Variants in SLC26A5 observed in about 807,000 individuals in gnomAD.
SLC26A5 encodes the protein solute carrier family 26 member 5.
Under a neutral mutation model 81.0 loss-of-function variants are expected in SLC26A5, and 51 were observed. The observed-to-expected ratio is 0.63, with a 90% CI of 0.50 to 0.80. The LOEUF is 0.80. SLC26A5 is among the 30% of genes least tolerant of loss of function. The probability of loss-of-function intolerance (pLI) is 0.00; values close to 1 mark genes in which losing one functional copy is unlikely to be tolerated. For missense variants in SLC26A5, 771 were observed against 905.8 expected (o/e 0.85, Z 1.91); for synonymous variants, 325 against 332.8 (o/e 0.98, Z 0.25).
At chr7:103,420,711 G>C (rs752082714) in intron 4 of SLC26A5, 27 bp downstream of exon 4, 11 of 1,613,488 alleles carry the variant, frequency 6.8e-6, no homozygotes, top group Non-Finnish European at 8.5e-6. Flanking sequence ...GGACAGCAAG[G>C]GGGGAAAGAA....
At chr7:103,432,749 T>G (rs566354496) in intron 2 of SLC26A5, among the ~76,000 whole-genome samples, 27 of 152,138 alleles carry the variant, frequency 1.8e-4, no homozygotes, top group Non-Finnish European at 3.7e-4. Flanking sequence ...TTTAAAATTC[T>G]GAGTCATATT....
At chr7:103,441,261 T>G (rs1252789425) in intron 2 of SLC26A5, among the ~76,000 whole-genome samples, 1 of 152,018 alleles carries the variant, frequency 6.6e-6, no homozygotes, top group Non-Finnish European at 1.5e-5. Context: ...ATATACACTG[T>G]TTTTTGTCTT....
At chr7:103,399,358 T>C (rs1278229277) in intron 8 of SLC26A5, among the ~76,000 whole-genome samples, 1 of 152,216 alleles carries the variant, frequency 6.6e-6, no homozygotes. Flanking sequence ...GGGAACTCTG[T>C]GCCTAGCCCC....
In SLC26A5 at chr7:103,367,926, G is replaced by T; in HGVS notation, c.2041+8882C>A. The T allele has an allele frequency of 6.2e-7, 1 of 1,613,962 alleles. No individual in the cohort carries two copies. The highest frequency in any genetic ancestry group is 1.1e-5 in the South Asian group (1 of 91,060). The stretch of plus-strand genomic sequence containing the variant: ...TGAGATTAGAAGCGTCTGCACAGAG[G>T]CTGGTATGTTTGCCATCAGAGCACG... On this transcript the variant is annotated intron_variant, in intron 19 of 19. Transcript: ENST00000339444. The surrounding 1 kb of genome is among the most constrained non-coding windows in gnomAD (Gnocchi z 6.1).
At chr7:103,405,208 T>C (rs1280552282) in intron 8 of SLC26A5, among the ~76,000 whole-genome samples, 1 of 152,188 alleles carries the variant, frequency 6.6e-6, no homozygotes, top group Non-Finnish European at 1.5e-5. Context: ...TCATTCTCCA[T>C]CCACTTTTGT....
intron 2 of SLC26A5, among the ~76,000 whole-genome samples, chr7:103,434,486 T>C (rs756964627): frequency 3.3e-5 from 5 of 152,194 alleles, no homozygotes; most frequent in African/African-American, 1.2e-4. Flanking sequence ...ACAGGAACTT[T>C]TTTTCCTAGC....
At chr7:103,395,515 ATATAT>A (rs1563537889) in intron 9 of SLC26A5, among the ~76,000 whole-genome samples, 1 of 72,630 alleles carries the variant, frequency 1.4e-5, no homozygotes, top group Non-Finnish European at 2.8e-5. Flanking sequence ...ATATATATAT[ATATAT>A]AAATTTTTTT....
intron 9 of SLC26A5, 79 bp from the exon 10 acceptor site, chr7:103,393,145 T>C: frequency 1.3e-6 from 2 of 1,540,304 alleles, no homozygotes; most frequent in Non-Finnish European, 1.8e-6. Flanking sequence ...CAGGGAAGCA[T>C]TTTAGGGGGG....
At chr7:103,374,824 A>C (rs952378438) in intron 19 of SLC26A5, among the ~76,000 whole-genome samples, 5 of 151,284 alleles carry the variant, frequency 3.3e-5, no homozygotes, top group African/African-American at 1.2e-4. Context: ...AAATATTAAA[A>C]TGCTATAGTA....
chr7:103,419,284 C>T (rs2116708695), intron 4 of SLC26A5, among the ~76,000 whole-genome samples: 1 of 152,234 alleles, frequency 6.6e-6, no homozygotes, highest in Non-Finnish European at 1.5e-5. Flanking sequence ...ATGCTGATAG[C>T]TTTTCACTGT....
chr7:103,364,981 A>ATATATATATATATATATATATT (rs950613120), intron 19 of SLC26A5, among the ~76,000 whole-genome samples: 16 of 140,798 alleles, frequency 1.1e-4, no homozygotes, highest in Non-Finnish European at 2.0e-4. Context: ...ATATATATAT[A>ATATATATATATATATATATATT]TATTTAGAGA....
At chr7:103,424,541 T>A (rs537810330) in intron 2 of SLC26A5, among the ~76,000 whole-genome samples, 2 of 152,322 alleles carry the variant, frequency 1.3e-5, no homozygotes, top group East Asian at 3.9e-4. Flanking sequence ...TTTATTATTT[T>A]TTGTAGACAT....
intron 8 of SLC26A5, among the ~76,000 whole-genome samples, chr7:103,401,516 T>A (rs1476448034): frequency 6.6e-6 from 1 of 152,174 alleles, no homozygotes; most frequent in African/African-American, 2.4e-5. Flanking sequence ...AAACAGACAA[T>A]TTGACTTCCT....
downstream of SLC26A5, among the ~76,000 whole-genome samples, chr7:103,373,416 C>A (rs1178779213): frequency 1.3e-5 from 2 of 152,082 alleles, no homozygotes; most frequent in Non-Finnish European, 2.9e-5. Context: ...GATATAACTT[C>A]CAGATTGCAG....
intron 19 of SLC26A5, among the ~76,000 whole-genome samples, chr7:103,359,432 C>A (rs1820247244): frequency 1.3e-5 from 2 of 151,966 alleles, no homozygotes. Context: ...CTATCTAATT[C>A]CAGAATAGAA....
chr7:103,385,829 T>A (rs1204605903), intron 14 of SLC26A5, among the ~76,000 whole-genome samples: 1 of 151,866 alleles, frequency 6.6e-6, no homozygotes, highest in South Asian at 2.1e-4. Context: ...GCCTTCCAAG[T>A]AGCTGGGACC....
At chr7:103,355,391 C>A (rs1252088497) in intron 19 of SLC26A5, among the ~76,000 whole-genome samples, 2 of 152,264 alleles carry the variant, frequency 1.3e-5, no homozygotes, top group Non-Finnish European at 2.9e-5. Context: ...TTTGGCTTGA[C>A]AATTACTTTA....
At chr7:103,393,162 C>G (rs1425082744) in intron 9 of SLC26A5, 96 bp from the exon 10 acceptor site, 1 of 1,446,676 alleles carries the variant, frequency 6.9e-7, no homozygotes, top group Non-Finnish European at 9.5e-7. Context: ...GGGGCATTAT[C>G]TGCAAATGAA....
At chr7:103,421,980 A>T (rs1825388206) in intron 2 of SLC26A5, among the ~76,000 whole-genome samples, 1 of 152,196 alleles carries the variant, frequency 6.6e-6, no homozygotes, top group Non-Finnish European at 1.5e-5. Flanking sequence ...CCTCATTTCC[A>T]ATTCTATATT....
Sources: allele counts gnomAD v4.1 joint callset (sites outside exome capture counted in the v4.1 genomes callset), GRCh38; gene constraint gnomAD v4.1.1; non-coding constraint Gnocchi (gnomAD v3.1); transcripts MANE v1.5; gene names NCBI Gene and HGNC (gene_info 2026-07-23, HGNC 2026-07-21).